Variants in PLA2R1 observed in about 807,000 individuals in gnomAD.
PLA2R1 encodes secretory phospholipase A2 receptor.
A neutral mutation model predicts 195.9 loss-of-function variants in PLA2R1; 158 were observed. The observed-to-expected ratio is 0.81, with a 90% CI of 0.71 to 0.92. The LOEUF is 0.92. PLA2R1 is among the 40% of genes least tolerant of loss of function. The pLI, the probability that PLA2R1 is intolerant of heterozygous loss-of-function variation, is 0.00. For missense variants in PLA2R1, 1,626 were observed against 1,764.6 expected (o/e 0.92, Z 1.41); for synonymous variants, 586 against 598.2 (o/e 0.98, Z 0.30).
chr2:159,983,447 G>A (rs1690102841), intron 13 of PLA2R1, among the ~76,000 whole-genome samples: 1 of 142,564 alleles, frequency 7.0e-6, no homozygotes. Flanking sequence ...AAAAATTACT[G>A]GGACTCTTTT....
chr2:159,947,310 T>C (rs1410202576), intron 26 of PLA2R1, 109 bp downstream of exon 26: 2 of 918,336 alleles, frequency 2.2e-6, no homozygotes, highest in East Asian at 5.2e-5. Flanking sequence ...TTAGTTTTTG[T>C]TGCTCCTAAA....
intron 9 of PLA2R1, among the ~76,000 whole-genome samples, chr2:160,016,278 A>AG (rs781260822): frequency 4.9e-5 from 7 of 142,534 alleles, no homozygotes; most frequent in Non-Finnish European, 7.7e-5. Context: ...AAAAAAAAAG[A>AG]AAAAGAAAAA....
chr2:160,013,831 A>G (rs529569682), intron 9 of PLA2R1, among the ~76,000 whole-genome samples: 1 of 151,830 alleles, frequency 6.6e-6, no homozygotes, highest in East Asian at 1.9e-4. Flanking sequence ...CTCTAGGGTC[A>G]GGATGCATGG....
At position 159,951,597 on chromosome 2, in the gene PLA2R1, C is replaced by T. The variant is rs1687752846; in HGVS notation, c.3302-19G>A. On this transcript the variant is annotated intron_variant, in intron 23 of 29. Coordinates refer to ENST00000283243, the MANE Select transcript of PLA2R1 (RefSeq NM_007366.5). The stretch of plus-strand genomic sequence containing the variant: ...GAAGTATCTAGAACAAGAACAGCAA[C>T]AAAAGTCATTTGCAGCATCTGGATG... 5 of 1,266,068 alleles carry T rather than the reference C, an allele frequency of 3.9e-6. No homozygotes were observed. The highest frequency in any genetic ancestry group is 1.4e-5 in the African/African-American group (1 of 69,620). The allele number at this position is 1,266,068 out of a possible 1,614,324, so 78.4% of individuals were successfully genotyped here. A position where few individuals can be genotyped will look rare whatever the true frequency, so the allele number is the denominator to read the frequency against.
intron 3 of PLA2R1, among the ~76,000 whole-genome samples, chr2:160,036,816 A>G (rs1286233545): frequency 6.6e-6 from 1 of 152,198 alleles, no homozygotes; most frequent in Non-Finnish European, 1.5e-5. Context: ...TGTTCTCTCA[A>G]TAGTGAGCTG....
rs559946408 is a variant in PLA2R1, at chr2:160,033,833, A to G, written c.668-701T>C. 4.6e-5 allele frequency among the ~76,000 whole-genome samples: 7 copies of G among 152,350 alleles called. No individual in the cohort carries two copies. The South Asian group carries it at 1.4e-3, about 32-fold the overall frequency. On this transcript the variant is annotated intron_variant, in intron 3 of 29. Transcript: ENST00000283243. ...GGTGCTTTTGCTAACATTTAAAATC[A>G]AACTCCAAGGTGAACTAAGTAGCCA...
At chr2:160,028,541 A>G (rs1365808293) in intron 5 of PLA2R1, among the ~76,000 whole-genome samples, 180 bp from the exon 6 acceptor site, 2 of 152,214 alleles carry the variant, frequency 1.3e-5, no homozygotes, top group African/African-American at 4.8e-5. Context: ...ATGATTTCCC[A>G]AAGATTCCAA....
rs1219023836 is a variant in PLA2R1 at position 159,934,848 on chromosome 2, C to T, written c.*6930G>A. ...TACTGGTACAATACTATTAATTAAA[C>T]CATAGACTTTATTTTACTTTCCCAT... On this transcript the variant is annotated 3_prime_UTR_variant, in exon 30 of 30. Coordinates refer to ENST00000283243, the MANE Select transcript of PLA2R1 (RefSeq NM_007366.5). The T allele has an allele frequency of 6.6e-6, 1 of 152,124 alleles. No homozygotes were observed. The highest frequency in any genetic ancestry group is 6.6e-5 in the Admixed American group (1 of 15,266). 9.4% of individuals were successfully genotyped at this position (152,124 alleles called of 1,614,324 possible).
At chr2:160,053,894 G>C (rs1391843107) in intron 1 of PLA2R1, among the ~76,000 whole-genome samples, 4 of 152,354 alleles carry the variant, frequency 2.6e-5, no homozygotes, top group Non-Finnish European at 5.9e-5. Flanking sequence ...AGATAGAAAT[G>C]ATTATGAATC....
intron 3 of PLA2R1, among the ~76,000 whole-genome samples, chr2:160,035,968 C>T (rs1694141388): frequency 6.6e-6 from 1 of 152,182 alleles, no homozygotes; most frequent in African/African-American, 2.4e-5. Flanking sequence ...ACTCTCTTTT[C>T]TTGACTTCCC....
chr2:160,005,173 G>A (rs79036261), intron 11 of PLA2R1, among the ~76,000 whole-genome samples: 285 of 152,230 alleles, frequency 1.9e-3, no homozygotes, highest in Non-Finnish European at 3.7e-3. Context: ...ATGACCATTG[G>A]GCCAGGCAAT....
At chr2:159,976,508 A>G (rs1254918043) in intron 16 of PLA2R1, among the ~76,000 whole-genome samples, 177 bp downstream of exon 16, 3 of 152,218 alleles carry the variant, frequency 2.0e-5, no homozygotes, top group Non-Finnish European at 4.4e-5. Context: ...ACTAGTCCTT[A>G]ATCATATTAA....
At chr2:160,028,039 T>TA (rs1313311647) in intron 6 of PLA2R1, among the ~76,000 whole-genome samples, 179 bp downstream of exon 6, 1 of 152,234 alleles carries the variant, frequency 6.6e-6, no homozygotes, top group Non-Finnish European at 1.5e-5. Context: ...ATGCATTTGT[T>TA]AAAATCACAG....
At chr2:159,960,099 C>T (rs756695081) in intron 20 of PLA2R1, among the ~76,000 whole-genome samples, 1 of 152,156 alleles carries the variant, frequency 6.6e-6, no homozygotes, top group Non-Finnish European at 1.5e-5. Context: ...ATCACCCTTT[C>T]CACTTCTTTT....
intron 17 of PLA2R1, among the ~76,000 whole-genome samples, chr2:159,970,795 C>G (rs1258982977): frequency 6.6e-6 from 1 of 152,098 alleles, no homozygotes; most frequent in Non-Finnish European, 1.5e-5. Context: ...AGTTCATGTC[C>G]TTTGCAGGGA....
At chr2:159,963,813 T>C (rs1187747320) in intron 20 of PLA2R1, among the ~76,000 whole-genome samples, 1 of 152,140 alleles carries the variant, frequency 6.6e-6, no homozygotes, top group Non-Finnish European at 1.5e-5. Context: ...GGAAGAACAT[T>C]TGTCAGTTCC....
rs1687080376 is a variant in PLA2R1, at chr2:159,941,411, AT to A, written c.*366del. ...GGTACGAGTGCAGGTAAATGTCTGA[AT>A]AGATACCAGATTAGTTTTAAAATTC... On this transcript the variant is annotated 3_prime_UTR_variant, in exon 30 of 30. Transcript: ENST00000283243. 1 of 163,226 alleles carries A rather than the reference AT, an allele frequency of 6.1e-6. No homozygotes were observed. The highest frequency in any genetic ancestry group is 2.4e-5 in the African/African-American group (1 of 41,620). The allele number at this position is 163,226 out of a possible 1,614,324, so 10.1% of individuals were successfully genotyped here. A position where few individuals can be genotyped will look rare whatever the true frequency, so the allele number is the denominator to read the frequency against.
chr2:159,951,497 ATT>A lies in PLA2R1; in HGVS notation c.3381_3382del (p.Lys1127AsnfsTer3), dbSNP rs1467976284. 6.2e-7 allele frequency: 1 copy of A among 1,610,390 alleles called. No homozygotes were observed. ...ATACCAAGTCATATTTGCATTAATTATTTTGTAAGTTCTGTTTCCATATTCTA... is the reference window on the plus strand; with the variant it reads ...ATACCAAGTCATATTTGCATTAATTATTGTAAGTTCTGTTTCCATATTCTA... On this transcript the variant is annotated frameshift_variant, in exon 24 of 30. Transcript: ENST00000283243. LOFTEE classifies it high-confidence loss of function.
At chr2:159,968,222 AAACT>A (rs1406454414) in intron 19 of PLA2R1, among the ~76,000 whole-genome samples, 93 of 151,976 alleles carry the variant, frequency 6.1e-4, no homozygotes, top group African/African-American at 2.2e-3. Flanking sequence ...AGCCTCCGAC[AAACT>A]AACTGCTTTT....
Sources: gnomAD v4.1 joint callset for allele counts (sites outside exome capture counted in the v4.1 genomes callset) on GRCh38, gnomAD v4.1.1 for gene constraint, MANE v1.5 for transcripts, NCBI Gene and HGNC (gene_info 2026-07-23, HGNC 2026-07-21) for gene names.